GALNT17: variants seen among roughly 807,000 people sequenced by gnomAD.
The protein encoded by GALNT17 is UDP-GalNAc:polypeptide N-acetylgalactosaminyltransferase-like 3.
A neutral mutation model predicts 63.7 loss-of-function variants in GALNT17; 29 were observed. That is an observed-to-expected ratio of 0.46 (90% CI 0.34 to 0.62). The LOEUF is 0.62. Ranked by LOEUF, GALNT17 falls within the 20% of genes least tolerant of loss-of-function variation. GALNT17 has a pLI of 0.01. For missense variants in GALNT17, 603 were observed against 799.6 expected, an observed-to-expected ratio of 0.75 and a Z score of 2.97; for synonymous variants, 305 against 318.3, an observed-to-expected ratio of 0.96 and a Z score of 0.45.
chr7:71,357,372 C>T (rs1792306707), intron 2 of GALNT17, among the ~76,000 whole-genome samples: 1 of 152,128 alleles, frequency 6.6e-6, no homozygotes. Flanking sequence ...AATTTAATAC[C>T]TTACGATCTG....
chr7:71,409,663 G>C (rs1359556402), intron 3 of GALNT17, among the ~76,000 whole-genome samples: 2 of 152,186 alleles, frequency 1.3e-5, no homozygotes, highest in Non-Finnish European at 2.9e-5. Context: ...TTTTGCATTG[G>C]TTCTGGAAGC....
At chr7:71,153,361 GT>G (rs1316455448) in intron 1 of GALNT17, among the ~76,000 whole-genome samples, 2 of 152,222 alleles carry the variant, frequency 1.3e-5, no homozygotes, top group Non-Finnish European at 2.9e-5. Context: ...CGTGGTGGCA[GT>G]TACTACCAAT....
At chr7:71,445,484 A>G (rs1787145647) in intron 5 of GALNT17, among the ~76,000 whole-genome samples, 1 of 151,252 alleles carries the variant, frequency 6.6e-6, no homozygotes, top group South Asian at 2.1e-4. Flanking sequence ...CGTGTGAGCC[A>G]CTGCGCCCGG....
intron 1 of GALNT17, among the ~76,000 whole-genome samples, chr7:71,323,194 T>A (rs73700697): frequency 0.035 from 5,264 of 152,204 alleles, 154 homozygotes; most frequent in East Asian, 0.1. Context: ...AAAAATAAGA[T>A]CATTGGGTAG....
chr7:71,703,915 A>C (rs1364735560), intron 9 of GALNT17, among the ~76,000 whole-genome samples: 1 of 152,194 alleles, frequency 6.6e-6, no homozygotes, highest in Non-Finnish European at 1.5e-5. Flanking sequence ...CTCTGAAGGC[A>C]GTAAGGGCCC....
intron 6 of GALNT17, among the ~76,000 whole-genome samples, chr7:71,609,269 G>A (rs780561646): frequency 9.2e-5 from 14 of 152,214 alleles, no homozygotes; most frequent in Non-Finnish European, 1.9e-4. Context: ...GATTCAGAAT[G>A]AGTGAGCATT....
chr7:71,443,534 CT>C (rs1156744803), intron 5 of GALNT17, among the ~76,000 whole-genome samples: 3 of 152,070 alleles, frequency 2.0e-5, no homozygotes, highest in African/African-American at 7.2e-5. Context: ...GAGCATGGCA[CT>C]TTCCTTCTCT....
At chr7:71,511,326 A>T (rs187622129) in intron 5 of GALNT17, among the ~76,000 whole-genome samples, 1 of 152,170 alleles carries the variant, frequency 6.6e-6, no homozygotes, top group African/African-American at 2.4e-5. Flanking sequence ...GAGTGTGGGT[A>T]ATAGGGGTTG....
chr7:71,141,679 C>CTT (rs772422312), intron 1 of GALNT17, among the ~76,000 whole-genome samples: 7,539 of 139,366 alleles, frequency 0.054, 621 homozygotes, highest in African/African-American at 0.18. Context: ...TTCTTTCTTT[C>CTT]TTTTTTTTTT....
chr7:71,231,656 G>A (rs1789790199), intron 1 of GALNT17, among the ~76,000 whole-genome samples: 1 of 150,700 alleles, frequency 6.6e-6, no homozygotes, highest in South Asian at 2.1e-4. Flanking sequence ...CCTTCTCATT[G>A]TGTCCTCACA....
Position 71,712,659 on chromosome 7 carries a change from T to A in GALNT17, c.*513T>A, listed in dbSNP as rs1235785643. ...AGGTTACTTCTACCCAGATGACACCTGCCTGTTCACGCCCCAAGGCAGCTA... is the reference window on the plus strand; with the variant it reads ...AGGTTACTTCTACCCAGATGACACCAGCCTGTTCACGCCCCAAGGCAGCTA... On this transcript the variant is annotated 3_prime_UTR_variant, in exon 11 of 11. Coordinates refer to ENST00000333538, the MANE Select transcript of GALNT17 (RefSeq NM_022479.3). 2 of 154,832 alleles carry A rather than the reference T, an allele frequency of 1.3e-5. No individual in the cohort carries two copies. Among genetic ancestry groups the A allele is most frequent in the African/African-American group, 4.8e-5 (2 of 41,500 alleles). The allele number at this position is 154,832 out of a possible 1,614,324, so 9.6% of individuals were successfully genotyped here. A position where few individuals can be genotyped will look rare whatever the true frequency, so the allele number is the denominator to read the frequency against.
intron 1 of GALNT17, among the ~76,000 whole-genome samples, chr7:71,265,060 G>A (rs1247054540): frequency 1.5e-5 from 2 of 134,820 alleles, no homozygotes; most frequent in African/African-American, 5.5e-5. Context: ...TGACACATTT[G>A]ATGCATGTAA....
rs140060187 is a variant in GALNT17, at chr7:71,384,030, G to T, written c.423-4205G>T. 6.4e-3 allele frequency among the ~76,000 whole-genome samples: 968 copies of T among 152,222 alleles called. 5 individuals carry two copies. Among genetic ancestry groups the T allele is most frequent in the Non-Finnish European group, 0.01 (708 of 68,020 alleles). ...ACCCACCATACTATTTTCCACAGCG[G>T]CCGTAACATCCTCCCCTTCCATCAA... On this transcript the variant is annotated intron_variant, in intron 2 of 10. Transcript: ENST00000333538.
intron 2 of GALNT17, among the ~76,000 whole-genome samples, chr7:71,337,386 G>A (rs1383747717): frequency 6.6e-6 from 1 of 152,030 alleles, no homozygotes; most frequent in East Asian, 1.9e-4. Context: ...AAGGTATATA[G>A]TAGAGGGATA....
At chr7:71,421,157 A>C (rs758504621) in intron 5 of GALNT17, 52 bp downstream of exon 5, 2 of 1,597,534 alleles carry the variant, frequency 1.3e-6, no homozygotes, top group South Asian at 2.2e-5. Context: ...TTCAAGGGTA[A>C]AAAGGAGCTA....
intron 5 of GALNT17, among the ~76,000 whole-genome samples, chr7:71,426,265 G>A (rs78304767): frequency 0.018 from 2,779 of 152,260 alleles, 28 homozygotes; most frequent in African/African-American, 0.034. Context: ...TTGAACTCCA[G>A]TTCAACCTGT....
chr7:71,571,309 G>T lies in GALNT17; in HGVS notation c.987G>T (p.Ser329=). The T allele has an allele frequency of 6.2e-7, 1 of 1,614,040 alleles. No homozygotes were observed. The highest frequency in any genetic ancestry group is 1.3e-5 in the African/African-American group (1 of 75,036). ...GGACCCCAGCCATGATAGGCTGCTCGTTCGTGGTCAACAGGAAGTTCTTCG... is the reference window on the plus strand; with the variant it reads ...GGACCCCAGCCATGATAGGCTGCTCTTTCGTGGTCAACAGGAAGTTCTTCG... The part of the protein sequence containing the change: ...PIRTPAMIGC[S]FVVNRKFFGE... Residue 329 remains serine (S), a synonymous_variant, in exon 6 of 11, where the codon TCG becomes TCT. Transcript: ENST00000333538.
chr7:71,155,731 C>T (rs1345117511), intron 1 of GALNT17, among the ~76,000 whole-genome samples: 1 of 151,740 alleles, frequency 6.6e-6, no homozygotes, highest in Non-Finnish European at 1.5e-5. Context: ...ATAAATAACA[C>T]ATCCTGGAAA....
intron 1 of GALNT17, among the ~76,000 whole-genome samples, chr7:71,253,330 A>AT (rs937443616): frequency 2.6e-5 from 4 of 151,942 alleles, no homozygotes; most frequent in African/African-American, 9.7e-5. Flanking sequence ...AGAAGGGGAA[A>AT]CCCCTTATAA....
Sources: allele counts gnomAD v4.1 joint callset (sites outside exome capture counted in the v4.1 genomes callset), GRCh38; gene constraint gnomAD v4.1.1; transcripts MANE v1.5; gene names NCBI Gene and HGNC (gene_info 2026-07-23, HGNC 2026-07-21).